The following PKNOX1 variants were observed in gnomAD, a reference collection of about 807,000 sequenced individuals.
PKNOX1 encodes PBX/knotted 1 homeobox 1, also known as homeobox protein PKNOX1.
Under a neutral mutation model 51.9 loss-of-function variants are expected in PKNOX1, and 15 were observed. That is an observed-to-expected ratio of 0.29 (90% CI 0.19 to 0.45). PKNOX1 has a LOEUF of 0.45. Among genes scored for constraint, PKNOX1 ranks in the 20% least tolerant of loss-of-function variants. PKNOX1 has a pLI of 1.00. For synonymous variants in PKNOX1, 219 were observed against 211.1 expected, an observed-to-expected ratio of 1.04 and a Z score of -0.32; for missense variants, 462 against 547.5, an observed-to-expected ratio of 0.84 and a Z score of 1.56.
At position 43,032,982 on chromosome 21, in the gene PKNOX1, C is replaced by A. The variant is rs1191490898; in HGVS notation, c.*2881C>A. 6.6e-6 allele frequency: 1 copy of A among 152,042 alleles called. No homozygotes were observed. Among genetic ancestry groups the A allele is most frequent in the Non-Finnish European group, 1.5e-5 (1 of 68,024 alleles). 9.4% of individuals were successfully genotyped at this position (152,042 alleles called of 1,614,324 possible). Reference sequence around the variant, plus strand: ...TGGAGAGAATCTGTAAAAGTGTGACCCCCTCTAAGATTTCGTTTTAAATGA... The same window carrying A: ...TGGAGAGAATCTGTAAAAGTGTGACACCCTCTAAGATTTCGTTTTAAATGA... On this transcript the variant is annotated 3_prime_UTR_variant, in exon 11 of 11. Transcript: ENST00000291547.
intron 5 of PKNOX1, among the ~76,000 whole-genome samples, chr21:43,015,781 C>A (rs1461580456): frequency 6.6e-6 from 1 of 151,426 alleles, no homozygotes; most frequent in African/African-American, 2.4e-5. Context: ...GTGATCTCTT[C>A]CTGTTTTATT....
rs1427412995 is a variant in PKNOX1 at position 43,030,392 on chromosome 21, A to G, written c.*291A>G. The G allele has an allele frequency of 4.1e-6, 1 of 243,782 alleles. No individual in the cohort carries two copies. Among genetic ancestry groups the G allele is most frequent in the Non-Finnish European group, 7.8e-6 (1 of 127,998 alleles). 15.1% of individuals were successfully genotyped at this position (243,782 alleles called of 1,614,324 possible). Reference sequence around the variant, plus strand: ...CACTCCCTCCCCACCTTGAATCCCTAATTAGATTAAGGAATAGCGCTGCCA... The same window carrying G: ...CACTCCCTCCCCACCTTGAATCCCTGATTAGATTAAGGAATAGCGCTGCCA... On this transcript the variant is annotated 3_prime_UTR_variant, in exon 11 of 11. Coordinates refer to ENST00000291547, the MANE Select transcript of PKNOX1 (RefSeq NM_004571.5).
At chr21:42,986,002 G>A (rs367785221) in intron 1 of PKNOX1, among the ~76,000 whole-genome samples, 107 of 110,486 alleles carry the variant, frequency 9.7e-4, no homozygotes, top group East Asian at 1.4e-3. Flanking sequence ...CTCTGTCTCA[G>A]AAAAAAAAAA....
chr21:42,982,812 C>CT (rs976012461), intron 1 of PKNOX1, among the ~76,000 whole-genome samples: 3 of 151,032 alleles, frequency 2.0e-5, no homozygotes, highest in African/African-American at 4.9e-5. Context: ...TTTGAGCATA[C>CT]TTTTTTTTCC....
chr21:43,017,386 A>G (rs1192784513), intron 6 of PKNOX1: 1 of 165,272 alleles, frequency 6.1e-6, no homozygotes, highest in East Asian at 1.7e-4. Context: ...TAGCATTGGT[A>G]TTACTTGTAG....
intron 1 of PKNOX1, among the ~76,000 whole-genome samples, chr21:43,003,133 A>C (rs987479769): frequency 6.6e-6 from 1 of 152,172 alleles, no homozygotes; most frequent in African/African-American, 2.4e-5. Flanking sequence ...TCCTTGGGGA[A>C]CTTTGCTGTT....
At chr21:43,023,725 C>T (rs1883885658) in intron 8 of PKNOX1, among the ~76,000 whole-genome samples, 1 of 151,898 alleles carries the variant, frequency 6.6e-6, no homozygotes, top group East Asian at 1.9e-4. Context: ...AGCAATTCTT[C>T]TGCCTCAGCC....
At chr21:42,979,611 G>A (rs114185801) in intron 1 of PKNOX1, among the ~76,000 whole-genome samples, 2,353 of 152,168 alleles carry the variant, frequency 0.015, 78 homozygotes, top group African/African-American at 0.053. Context: ...GCGTAGTGGC[G>A]GGCACCTGTA....
chr21:43,018,351 G>T (rs990198633), intron 7 of PKNOX1, 121 bp downstream of exon 7: 3 of 623,068 alleles, frequency 4.8e-6, no homozygotes, highest in Non-Finnish European at 5.8e-6. Flanking sequence ...GCAATTTCTG[G>T]TTTCTCTGAA....
intron 1 of PKNOX1, among the ~76,000 whole-genome samples, chr21:42,980,107 TCA>T (rs1438594556): frequency 2.6e-5 from 4 of 152,188 alleles, no homozygotes; most frequent in African/African-American, 9.7e-5. Flanking sequence ...GTGCGGTGGC[TCA>T]CACCTGTAAT....
chr21:43,029,995 G>A lies in PKNOX1; in HGVS notation c.1205G>A (p.Gly402Glu), dbSNP rs770030582. 10 of 1,613,950 alleles carry A rather than the reference G, an allele frequency of 6.2e-6. No individual in the cohort carries two copies. The South Asian group carries it at 8.8e-5, about 14-fold the overall frequency. The change falls in exon 11 of 11, where the codon GGG becomes GAG. Residue 402 changes from glycine (G) to glutamate (E), a missense_variant. Gly to Glu is a moderately conservative substitution (Grantham distance 98). Coordinates refer to ENST00000291547, the MANE Select transcript of PKNOX1 (RefSeq NM_004571.5). ...GCGGTGCAGCAGGTCATGATGGCAG[G>A]GCAGAGCGAGGACGAGTCTGTGGAC... Reference protein sequence around the residue: ...TLAVQQVMMAGQSEDESVDST... With the variant: ...TLAVQQVMMAEQSEDESVDST...
chr21:43,028,499 A>G (rs1317401960), intron 9 of PKNOX1: 21 of 605,644 alleles, frequency 3.5e-5, no homozygotes, highest in Non-Finnish European at 5.6e-5. Flanking sequence ...ATGATTTTTA[A>G]AACAACAGGC....
At chr21:42,994,680 G>A (rs1483455850) in intron 1 of PKNOX1, among the ~76,000 whole-genome samples, 1 of 151,884 alleles carries the variant, frequency 6.6e-6, no homozygotes, top group African/African-American at 2.4e-5. Flanking sequence ...GTAAGTTTTG[G>A]ATATCATGGT....
Position 43,033,049 on chromosome 21 carries a change from A to G in PKNOX1, c.*2948A>G, listed in dbSNP as rs1980347752. On this transcript the variant is annotated 3_prime_UTR_variant, in exon 11 of 11. Transcript: ENST00000291547. ...TTTTATTCTTGTTGAGTTTTTCCCT[A>G]TGAAGGCTCCTTTTGAATGTGTCTT... 6.6e-6 allele frequency: 1 copy of G among 152,080 alleles called. No homozygotes were observed. Among genetic ancestry groups the G allele is most frequent in the African/African-American group, 2.4e-5 (1 of 41,416 alleles). The allele number at this position is 152,080 out of a possible 1,614,324, so 9.4% of individuals were successfully genotyped here. A position where few individuals can be genotyped will look rare whatever the true frequency, so the allele number is the denominator to read the frequency against.
At chr21:42,987,404 A>AAAAAATATATATAT in intron 1 of PKNOX1, among the ~76,000 whole-genome samples, 4 of 41,414 alleles carry the variant, frequency 9.7e-5, no homozygotes, top group African/African-American at 2.8e-4. Flanking sequence ...AAAAAAAAAA[A>AAAAAATATATATAT]ATATATATAT....
At chr21:42,979,833 C>T (rs573452563) in intron 1 of PKNOX1, among the ~76,000 whole-genome samples, 2 of 152,244 alleles carry the variant, frequency 1.3e-5, no homozygotes, top group Non-Finnish European at 2.9e-5. Flanking sequence ...CTCCCAGTGC[C>T]TTCTGGCACG....
At chr21:42,994,795 TATA>T (rs1202090029) in intron 1 of PKNOX1, among the ~76,000 whole-genome samples, 1 of 152,178 alleles carries the variant, frequency 6.6e-6, no homozygotes, top group African/African-American at 2.4e-5. Flanking sequence ...TCTAATAGTA[TATA>T]ATACTATATA....
Position 43,007,512 on chromosome 21 carries a change from A to G in PKNOX1, c.73A>G (p.Lys25Glu). 1 of 1,613,970 alleles carries G rather than the reference A, an allele frequency of 6.2e-7. No individual in the cohort carries two copies. Among genetic ancestry groups the G allele is most frequent in the Non-Finnish European group, 8.5e-7 (1 of 1,179,842 alleles). Residue 25 changes from lysine to glutamate, a missense_variant, in exon 3 of 11, where the codon AAG becomes GAG. Around this residue, in one of 5 missense-constraint regions of PKNOX1, gnomAD observed 129 missense variants for 133.4 expected, o/e 0.97. Coordinates refer to ENST00000291547, the MANE Select transcript of PKNOX1 (RefSeq NM_004571.5). ...GQQMQVVTEL[K>E]TEQDPNCSEP... ...ACAGATGCAAGTAGTAACAGAGTTA[A>G]AGACAGAACAAGATCCAAACTGCTC...
chr21:43,001,980 T>TAAATAAATAA (rs1056757931), intron 1 of PKNOX1, among the ~76,000 whole-genome samples: 1 of 150,980 alleles, frequency 6.6e-6, no homozygotes, highest in African/African-American at 2.4e-5. Context: ...AATAAATAAA[T>TAAATAAATAA]AAATAAAAAT....
Sources: gnomAD v4.1 joint callset for allele counts (sites outside exome capture counted in the v4.1 genomes callset) on GRCh38, gnomAD v4.1.1 for gene constraint, gnomAD v4.1.1 regional missense constraint, MANE v1.5 for transcripts, NCBI Gene and HGNC (gene_info 2026-07-23, HGNC 2026-07-21) for gene names.